GALK2: variants seen among roughly 807,000 people sequenced by gnomAD.
GALK2 encodes the protein galactokinase 2.
Under a neutral mutation model 52.4 loss-of-function variants are expected in GALK2, and 36 were observed. The observed-to-expected ratio is 0.69, with a 90% CI of 0.53 to 0.91. The LOEUF is 0.91. Ranked by LOEUF, GALK2 falls within the 40% of genes least tolerant of loss-of-function variation. The probability of loss-of-function intolerance (pLI) is 0.00; values close to 1 mark genes in which losing one functional copy is unlikely to be tolerated. For missense variants in GALK2, 579 were observed against 559.1 expected (o/e 1.04, Z -0.36); for synonymous variants, 176 against 199.1 (o/e 0.88, Z 0.98).
intron 3 of GALK2, among the ~76,000 whole-genome samples, chr15:49,348,021 A>C (rs2041770992): frequency 2.9e-5 from 2 of 68,386 alleles, no homozygotes; most frequent in African/African-American, 1.5e-4. Context: ...CTCTGTCTCA[A>C]AAAAAAAAAA....
intron 5 of GALK2, among the ~76,000 whole-genome samples, chr15:49,246,921 G>C (rs1333612046): frequency 6.6e-6 from 1 of 152,216 alleles, no homozygotes; most frequent in Admixed American, 6.5e-5. Context: ...AATAAAACCA[G>C]TGAAGTGCCC....
At chr15:49,346,103 C>G (rs1430569412) in intron 3 of GALK2, among the ~76,000 whole-genome samples, 2 of 150,804 alleles carry the variant, frequency 1.3e-5, no homozygotes, top group Non-Finnish European at 2.9e-5. Flanking sequence ...CTGCTGAACA[C>G]GAAACTTAAC....
intron 1 of GALK2, among the ~76,000 whole-genome samples, chr15:49,184,852 G>C (rs538624229): frequency 1.3e-5 from 2 of 152,048 alleles, no homozygotes; most frequent in South Asian, 4.2e-4. Flanking sequence ...TTTTAGATGG[G>C]TTCATGTTTT....
chr15:49,355,893 C>T (rs12917239), intron 3 of GALK2, among the ~76,000 whole-genome samples: 63,726 of 151,566 alleles, frequency 0.42, 13,544 homozygotes, highest in African/African-American at 0.45. Context: ...GTGGATCTCT[C>T]GGCAGAAACC....
chr15:49,362,065 T>C lies in GALK2; in HGVS notation c.427-5426T>C, dbSNP rs529943975. On this transcript the variant is annotated intron_variant, in intron 3 of 3. Coordinates refer to the GALK2 transcript ENST00000558399. ...TCTTCTTTTGAAATGTGTTCATTCA[T>C]GTCTTTTGCCCACTTCTTAATGGGT... 8.7e-4 allele frequency among the ~76,000 whole-genome samples: 132 copies of C among 152,294 alleles called. 1 individual carries two copies. Among genetic ancestry groups the C allele is most frequent in the African/African-American group, 3.0e-3 (123 of 41,566 alleles).
intron 4 of GALK2, 88 bp downstream of exon 4, chr15:49,236,029 C>A: frequency 2.4e-6 from 2 of 825,740 alleles, no homozygotes; most frequent in Non-Finnish European, 4.1e-6. Flanking sequence ...TCTTTTTCAT[C>A]TCCTTACAGT....
chr15:49,164,529 G>A (rs1452844017), intron 1 of GALK2, among the ~76,000 whole-genome samples: 1 of 151,566 alleles, frequency 6.6e-6, no homozygotes, highest in Non-Finnish European at 1.5e-5. Flanking sequence ...ACCTGTAATC[G>A]CAGCACTTTG....
intron 1 of GALK2, among the ~76,000 whole-genome samples, chr15:49,164,490 A>G (rs976548936): frequency 2.0e-5 from 3 of 152,124 alleles, no homozygotes; most frequent in African/African-American, 7.2e-5. Context: ...GTGAAGAAAT[A>G]AAAAGGAAGG....
chr15:49,273,942 T>A (rs1328342029), intron 5 of GALK2, among the ~76,000 whole-genome samples: 3 of 152,220 alleles, frequency 2.0e-5, no homozygotes, highest in Admixed American at 2.0e-4. Flanking sequence ...TAGGACTGTT[T>A]ACAAAGATGT....
At chr15:49,360,730 A>C (rs971977202) in intron 3 of GALK2, among the ~76,000 whole-genome samples, 8 of 152,192 alleles carry the variant, frequency 5.3e-5, no homozygotes, top group African/African-American at 1.9e-4. Context: ...GTTTTTAATA[A>C]AACTCCAAAG....
At chr15:49,319,576 C>T in intron 8 of GALK2, 28 bp from the exon 9 acceptor site, 1 of 1,605,038 alleles carries the variant, frequency 6.2e-7, no homozygotes, top group Non-Finnish European at 8.5e-7. Context: ...TATTCCTAAC[C>T]TCCTTCCCCA....
intron 5 of GALK2, 27 bp from the exon 6 acceptor site, chr15:49,281,960 A>C (rs1315080058): frequency 2.6e-6 from 4 of 1,525,544 alleles, no homozygotes; most frequent in Non-Finnish European, 3.6e-6. Flanking sequence ...GACTACTCAC[A>C]GTACAAATCA....
intron 8 of GALK2, among the ~76,000 whole-genome samples, chr15:49,317,214 A>G (rs2036492205): frequency 6.6e-6 from 1 of 152,156 alleles, no homozygotes; most frequent in Non-Finnish European, 1.5e-5. Flanking sequence ...GTGTACAGCT[A>G]GTTGTCACAG....
intron 8 of GALK2, among the ~76,000 whole-genome samples, chr15:49,295,251 G>A (rs1253211077): frequency 6.6e-6 from 1 of 151,808 alleles, no homozygotes; most frequent in African/African-American, 2.4e-5. Flanking sequence ...ATGGATAACT[G>A]GGAAAGTTAG....
At chr15:49,283,529 A>G (rs766587303) in intron 6 of GALK2, 37 bp from the exon 7 acceptor site, 3 of 1,541,214 alleles carry the variant, frequency 1.9e-6, no homozygotes, top group African/African-American at 1.4e-5. Flanking sequence ...CTGCATTCTA[A>G]TAAATTATAT....
chr15:49,345,776 C>G (rs535172642), intron 3 of GALK2, among the ~76,000 whole-genome samples: 1 of 152,316 alleles, frequency 6.6e-6, no homozygotes, highest in East Asian at 1.9e-4. Context: ...TGGGGTCTTT[C>G]ATCTCCCTTT....
At chr15:49,257,214 TTA>T (rs2091849839) in intron 5 of GALK2, among the ~76,000 whole-genome samples, 1 of 152,168 alleles carries the variant, frequency 6.6e-6, no homozygotes, top group East Asian at 1.9e-4. Flanking sequence ...GCTTTGTCTG[TTA>T]TATACAGACA....
chr15:49,231,432 A>C (rs1310201902), intron 3 of GALK2, among the ~76,000 whole-genome samples: 1 of 152,208 alleles, frequency 6.6e-6, no homozygotes, highest in Non-Finnish European at 1.5e-5. Flanking sequence ...GGGCAGAGAC[A>C]CAAATCCAAA....
At chr15:49,324,849 G>C (rs1016166431) in intron 9 of GALK2, among the ~76,000 whole-genome samples, 5 of 152,130 alleles carry the variant, frequency 3.3e-5, no homozygotes, top group Non-Finnish European at 5.9e-5. Flanking sequence ...GAATTGTGCT[G>C]GGCTGGGGTC....
Sources: gnomAD v4.1 joint callset for allele counts (sites outside exome capture counted in the v4.1 genomes callset) on GRCh38, gnomAD v4.1.1 for gene constraint, MANE v1.5 for transcripts, NCBI Gene and HGNC (gene_info 2026-07-23, HGNC 2026-07-21) for gene names.